Variants in ARHGAP22 observed in about 807,000 individuals in gnomAD.
ARHGAP22 encodes the protein Rho GTPase activating protein 22.
Under a neutral mutation model 59.1 loss-of-function variants are expected in ARHGAP22, and 48 were observed. The ratio of observed to expected loss-of-function variants is 0.81; its 90% CI spans 0.64 to 1.03. The LOEUF is 1.03. Among genes scored for constraint, ARHGAP22 ranks in the 50% least tolerant of loss-of-function variants. The pLI, the probability that ARHGAP22 is intolerant of heterozygous loss-of-function variation, is 0.00. For missense variants in ARHGAP22, 1,015 were observed against 958.7 expected (o/e 1.06, Z -0.78); for synonymous variants, 445 against 416.4 (o/e 1.07, Z -0.84).
the ARHGAP22 span, among the ~76,000 whole-genome samples, chr10:48,440,989 G>A: frequency 3.9e-5 from 6 of 152,310 alleles, no homozygotes; most frequent in Middle Eastern, 3.4e-3. Flanking sequence ...ACAAGAGATG[G>A]TGCAAGGAAA....
rs529812722 is a variant in ARHGAP22 at position 48,578,630 on chromosome 10, T to C, written c.234+4323A>G. Among the ~76,000 whole-genome samples the C allele has an allele frequency of 5.9e-5, 9 of 152,282 alleles. No individual in the cohort carries two copies. In the East Asian group the frequency reaches 1.5e-3, roughly 26 times the overall value. On this transcript the variant is annotated intron_variant, in intron 2 of 9. Transcript: ENST00000249601. ...ATGTCATTTTGTTATTAACTTGTCT[T>C]TTTTGCTTTAGCATTATTGACAGTG... is the stretch of plus-strand genomic sequence containing the variant.
At chr10:48,462,681 A>C (rs2047262609) in intron 4 of ARHGAP22, among the ~76,000 whole-genome samples, 1 of 152,222 alleles carries the variant, frequency 6.6e-6, no homozygotes, top group Non-Finnish European at 1.5e-5. Flanking sequence ...TTGCAATACT[A>C]ACACGAAGGG....
chr10:48,581,039 C>T (rs920005411), intron 2 of ARHGAP22, among the ~76,000 whole-genome samples: 1 of 151,924 alleles, frequency 6.6e-6, no homozygotes, highest in Non-Finnish European at 1.5e-5. Context: ...AATTTAAAAT[C>T]GGGCCAAGTG....
chr10:48,604,685 A>T, intron 1 of ARHGAP22, 78 bp downstream of exon 1: 2 of 1,609,256 alleles, frequency 1.2e-6, no homozygotes, highest in East Asian at 4.5e-5. Flanking sequence ...ACATGGCGTG[A>T]CGGCTGGCCA....
intron 3 of ARHGAP22, among the ~76,000 whole-genome samples, chr10:48,520,809 G>T (rs1344986358): frequency 6.6e-6 from 1 of 152,088 alleles, no homozygotes; most frequent in African/African-American, 2.4e-5. Flanking sequence ...AGCTCCAAAG[G>T]CAGCTGGAGA....
chr10:48,480,812 A>G (rs3889332), intron 3 of ARHGAP22, among the ~76,000 whole-genome samples: 116,665 of 152,252 alleles, frequency 0.77, 47,166 homozygotes, highest in Non-Finnish European at 0.91. Flanking sequence ...TGTTGAATGC[A>G]CACAGCGAAT....
chr10:48,508,248 G>A (rs577129937), intron 3 of ARHGAP22, among the ~76,000 whole-genome samples: 28 of 152,336 alleles, frequency 1.8e-4, no homozygotes, highest in African/African-American at 5.8e-4. Flanking sequence ...TTTTCCTGCT[G>A]CAGTTGGGTA....
intron 1 of ARHGAP22, among the ~76,000 whole-genome samples, chr10:48,650,650 C>T (rs2062522913): frequency 6.6e-6 from 1 of 152,170 alleles, no homozygotes; most frequent in Admixed American, 6.5e-5. Flanking sequence ...GTCCCTTTCT[C>T]AAAGGATTTG....
chr10:48,497,029 C>CCTGGA (rs922798613), intron 3 of ARHGAP22, among the ~76,000 whole-genome samples: 2 of 152,056 alleles, frequency 1.3e-5, no homozygotes, highest in African/African-American at 2.4e-5. Flanking sequence ...TGCACTGGGC[C>CCTGGA]CTGGACCCTG....
intron 3 of ARHGAP22, among the ~76,000 whole-genome samples, 160 bp downstream of exon 3, chr10:48,555,303 A>G (rs1314657717): frequency 6.6e-6 from 1 of 152,194 alleles, no homozygotes; most frequent in East Asian, 1.9e-4. Context: ...TTTCTTCCCC[A>G]TGTGAGTATG....
intron 2 of ARHGAP22, among the ~76,000 whole-genome samples, chr10:48,574,225 AT>A (rs1236496310): frequency 7.2e-6 from 1 of 139,490 alleles, no homozygotes; most frequent in African/African-American, 2.8e-5. Flanking sequence ...CATTCCATTT[AT>A]TTTTCTCATT....
chr10:48,510,284 C>T (rs1194032785), intron 3 of ARHGAP22, among the ~76,000 whole-genome samples: 1 of 152,216 alleles, frequency 6.6e-6, no homozygotes, highest in Non-Finnish European at 1.5e-5. Flanking sequence ...AGAAGGAACT[C>T]CTCTTGACCA....
chr10:48,653,249 G>A (rs905781190), upstream of ARHGAP22, among the ~76,000 whole-genome samples: 18 of 152,168 alleles, frequency 1.2e-4, no homozygotes, highest in African/African-American at 4.3e-4. Flanking sequence ...ATTGCAGAGA[G>A]CATAAAAGCA....
downstream of ARHGAP22, among the ~76,000 whole-genome samples, chr10:48,442,888 C>T (rs2045235013): frequency 6.6e-6 from 1 of 152,160 alleles, no homozygotes; most frequent in Non-Finnish European, 1.5e-5. Flanking sequence ...ATTTATGAAA[C>T]CATTGGGTTA....
intron 3 of ARHGAP22, among the ~76,000 whole-genome samples, chr10:48,540,868 A>C (rs1475581639): frequency 6.6e-6 from 1 of 152,022 alleles, no homozygotes; most frequent in Non-Finnish European, 1.5e-5. Flanking sequence ...GCAAAACAAC[A>C]TCAAGGCTAC....
At chr10:48,593,296 T>C (rs1044537271) in intron 1 of ARHGAP22, among the ~76,000 whole-genome samples, 3 of 152,230 alleles carry the variant, frequency 2.0e-5, no homozygotes, top group African/African-American at 7.2e-5. Context: ...TGGAAGAAAG[T>C]AAGTTGCAGA....
intron 2 of ARHGAP22, among the ~76,000 whole-genome samples, chr10:48,562,934 G>T (rs1335286593): frequency 6.6e-6 from 1 of 152,100 alleles, no homozygotes; most frequent in Non-Finnish European, 1.5e-5. Context: ...TACAGTTCTG[G>T]AGGTCAGAAT....
intron 4 of ARHGAP22, among the ~76,000 whole-genome samples, chr10:48,467,906 G>A (rs992188108): frequency 5.9e-5 from 9 of 152,162 alleles, no homozygotes; most frequent in Non-Finnish European, 8.8e-5. Context: ...GTGCAGAGCT[G>A]GGTCACGCCT....
chr10:48,450,107 C>A (rs2045753898), intron 9 of ARHGAP22, among the ~76,000 whole-genome samples, 154 bp downstream of exon 9: 1 of 152,198 alleles, frequency 6.6e-6, no homozygotes, highest in Non-Finnish European at 1.5e-5. Flanking sequence ...GTCTGCCAGT[C>A]CTAGGGCTTT....
Sources: allele counts gnomAD v4.1 joint callset (sites outside exome capture counted in the v4.1 genomes callset), GRCh38; gene constraint gnomAD v4.1.1; transcripts MANE v1.5; gene names NCBI Gene and HGNC (gene_info 2026-07-23, HGNC 2026-07-21).